The following BRIP1 variants were observed in gnomAD, a reference collection of about 807,000 sequenced individuals.
BRIP1 encodes Fanconi anemia group J protein.
Under a neutral mutation model 119.7 loss-of-function variants are expected in BRIP1, and 88 were observed. The ratio of observed to expected loss-of-function variants is 0.74; its 90% CI spans 0.62 to 0.88. The LOEUF is 0.88. BRIP1 is among the 40% of genes least tolerant of loss of function. The pLI is 0.00. For synonymous variants in BRIP1, 443 were observed against 496.5 expected (o/e 0.89, Z 1.43); for missense variants, 1,259 against 1,455.4 (o/e 0.87, Z 2.20).
At position 61,862,539 on chromosome 17, in the gene BRIP1, C is replaced by T. The variant is rs1387095460; in HGVS notation, c.-31+745G>A. On this transcript the variant is annotated intron_variant, in intron 1 of 19. Coordinates refer to ENST00000259008, the MANE Select transcript of BRIP1 (RefSeq NM_032043.3). The surrounding 1 kb of genome is among the most constrained non-coding windows in gnomAD (Gnocchi z 5.3). ...AAACCACTTTTCTTAACCTAGGATC[C>T]ACGGATGTAATTCAGAGACAATGAC... 1.3e-5 allele frequency among the ~76,000 whole-genome samples: 2 copies of T among 152,134 alleles called. No homozygotes were observed. The highest frequency in any genetic ancestry group is 2.9e-5 in the Non-Finnish European group (2 of 68,036).
intron 3 of BRIP1, among the ~76,000 whole-genome samples, chr17:61,858,565 G>T (rs2078931215): frequency 6.6e-6 from 1 of 152,032 alleles, no homozygotes; most frequent in Non-Finnish European, 1.5e-5. Context: ...TAGAGACGGG[G>T]TTTCTCCACG....
At position 61,686,502 on chromosome 17, in the gene BRIP1, T is replaced by C. The variant is rs1193045757; in HGVS notation, c.2576-337A>G. 6.8e-6 allele frequency among the ~76,000 whole-genome samples: 1 copy of C among 147,244 alleles called. No homozygotes were observed. Among genetic ancestry groups the C allele is most frequent in the African/African-American group, 2.5e-5 (1 of 40,348 alleles). On this transcript the variant is annotated intron_variant, in intron 18 of 19. Coordinates refer to ENST00000259008, the MANE Select transcript of BRIP1 (RefSeq NM_032043.3). This position sits in a 1 kb window ranked among gnomAD's most constrained non-coding sequence, Gnocchi z 5.4. ...ATCATAATTCCCCACAAAAATTGCC[T>C]TTTTTTTTTGTAGGGAAACTAGAAG...
At position 61,744,711 on chromosome 17, in the gene BRIP1, T is replaced by C. The variant is rs2077036923; in HGVS notation, c.2098-120A>G. The C allele has an allele frequency of 1.1e-6, 1 of 921,914 alleles. No individual in the cohort carries two copies. The highest frequency in any genetic ancestry group is 1.7e-6 in the Non-Finnish European group (1 of 580,350). 57.1% of individuals were successfully genotyped at this position (921,914 alleles called of 1,614,324 possible). ...TAATCTCTCTGTGTCTTTTCTCATT[T>C]ATAAAATGAGGAAAACAATATATCT... On this transcript the variant is annotated intron_variant, in intron 14 of 19. Transcript: ENST00000259008. This position sits in a 1 kb window ranked among gnomAD's most constrained non-coding sequence, Gnocchi z 5.0.
chr17:61,842,317 C>G lies in BRIP1; in HGVS notation c.627+4784G>C, dbSNP rs2078669148. ...GGGAGGATAAGGAGAGGTGGGTTTA[C>G]AAATTCATAACTACAGCTAGATTGG... On this transcript the variant is annotated intron_variant, in intron 6 of 19. Transcript: ENST00000259008. The surrounding 1 kb of genome is among the most constrained non-coding windows in gnomAD (Gnocchi z 5.1). Among the ~76,000 whole-genome samples the G allele has an allele frequency of 6.6e-6, 1 of 151,948 alleles. No homozygotes were observed. Among genetic ancestry groups the G allele is most frequent in the Non-Finnish European group, 1.5e-5 (1 of 67,972 alleles).
intron 10 of BRIP1, among the ~76,000 whole-genome samples, chr17:61,786,522 T>A (rs1441782339): frequency 6.7e-6 from 1 of 150,184 alleles, no homozygotes; most frequent in Non-Finnish European, 1.5e-5. Flanking sequence ...ATCATAATGA[T>A]GAATGTCTTA....
intron 16 of BRIP1, among the ~76,000 whole-genome samples, chr17:61,737,277 T>C (rs2076931213): frequency 6.6e-6 from 1 of 152,110 alleles, no homozygotes; most frequent in Admixed American, 6.5e-5. Context: ...AAGGCAGAGA[T>C]TGGCCAAATG....
Position 61,781,017 on chromosome 17 carries a change from G to C in BRIP1, c.1629-12C>G, listed in dbSNP as rs2145098474. 6.2e-7 allele frequency: 1 copy of C among 1,613,230 alleles called. No homozygotes were observed. The highest frequency in any genetic ancestry group is 8.5e-7 in the Non-Finnish European group (1 of 1,179,888). ...AATCATCTGCAAATCTAGATGCAAA[G>C]AAAGTGCTAATTAAGTGGCAAAACT... is the stretch of plus-strand genomic sequence containing the variant. On this transcript the variant is annotated splice_polypyrimidine_tract_variant and intron_variant, in intron 11 of 19. Transcript: ENST00000259008.
At position 61,683,702 on chromosome 17, in the gene BRIP1, G is replaced by A. The variant is rs1419933310; in HGVS notation, c.3344C>T (p.Ser1115Phe). The change falls in exon 20 of 20, where the codon TCC (serine) becomes TTC (phenylalanine). Residue 1115 changes from serine to phenylalanine, a missense_variant. By Grantham distance (155) the Ser-to-Phe change is radical. This residue lies in a region of BRIP1 where 753 missense variants were observed against 891.8 expected (regional missense o/e 0.84). Coordinates refer to ENST00000259008, the MANE Select transcript of BRIP1 (RefSeq NM_032043.3). This position sits in a 1 kb window ranked among gnomAD's most constrained non-coding sequence, Gnocchi z 4.7. ...TGTTTCAAAATCTCTATTTGAAGTG[G>A]ACTGTTTATCTTCTTCACTTACTAG... Reference protein sequence around the residue: ...LSLVSEEDKQSTSNRDFETEA... With the variant: ...LSLVSEEDKQFTSNRDFETEA... 2 of 1,613,870 alleles carry A rather than the reference G, an allele frequency of 1.2e-6. No homozygotes were observed.
rs1242579907 is a variant in BRIP1 at position 61,755,891 on chromosome 17, T to C, written c.2098-11300A>G. Among the ~76,000 whole-genome samples the C allele has an allele frequency of 6.6e-6, 1 of 152,212 alleles. No homozygotes were observed. Among genetic ancestry groups the C allele is most frequent in the African/African-American group, 2.4e-5 (1 of 41,458 alleles). On this transcript the variant is annotated intron_variant, in intron 14 of 19. Transcript: ENST00000259008. This position sits in a 1 kb window ranked among gnomAD's most constrained non-coding sequence, Gnocchi z 4.5. Reference sequence around the variant, plus strand: ...CGAAGTGGTATGTCCTCTGGGTCTATCCGGATTTTAGTTCGGGCAAAGAGC... The same window carrying C: ...CGAAGTGGTATGTCCTCTGGGTCTACCCGGATTTTAGTTCGGGCAAAGAGC...
rs141211942 is a variant in BRIP1 at position 61,709,860 on chromosome 17, TC to T, written c.2492+6090del. 0.033 allele frequency among the ~76,000 whole-genome samples: 5,044 copies of T among 152,248 alleles called. 323 individuals carry two copies. The highest frequency in any genetic ancestry group is 0.12 in the African/African-American group (4,787 of 41,526). On this transcript the variant is annotated intron_variant, in intron 17 of 19. Transcript: ENST00000259008. The surrounding 1 kb of genome is among the most constrained non-coding windows in gnomAD (Gnocchi z 5.0). Reference sequence around the variant, plus strand: ...CATAGACTTATATTACTTCAAATACTCTAACAGTCCCATGTGTGCTTAAAAA... The same window carrying T: ...CATAGACTTATATTACTTCAAATACTTAACAGTCCCATGTGTGCTTAAAAA...
Position 61,776,420 on chromosome 17 carries a change from C to T in BRIP1, c.2078G>A (p.Cys693Tyr), listed in dbSNP as rs2145026586. The change falls in exon 14 of 20, where the codon TGT (cysteine) becomes TAT (tyrosine). Residue 693 changes from cysteine to tyrosine, a missense_variant. By Grantham distance (194) the Cys-to-Tyr change is radical. Around this residue, in one of 3 missense-constraint regions of BRIP1, gnomAD observed 753 missense variants for 891.8 expected, o/e 0.84. Transcript: ENST00000259008. The surrounding 1 kb of genome is among the most constrained non-coding windows in gnomAD (Gnocchi z 5.0). The stretch of plus-strand genomic sequence containing the variant: ...CCTTACCTTGTAAGATGGCAAGAAA[C>T]ACAAAATTCCTTGGCTCACAGTCTG... ...VCQTVSQGIL[C>Y]FLPSYKLLEK... 6.2e-7 allele frequency: 1 copy of T among 1,614,002 alleles called. No homozygotes were observed. The highest frequency in any genetic ancestry group is 8.5e-7 in the Non-Finnish European group (1 of 1,179,958).
chr17:61,721,405 G>A (rs910108107), intron 16 of BRIP1, among the ~76,000 whole-genome samples: 7 of 151,736 alleles, frequency 4.6e-5, no homozygotes, highest in African/African-American at 1.5e-4. Flanking sequence ...GAGTAGCTGA[G>A]ACTACAGGCG....
rs2061806448 is a variant in BRIP1 at position 61,713,215 on chromosome 17, T to C, written c.2492+2736A>G. Among the ~76,000 whole-genome samples the C allele has an allele frequency of 1.3e-5, 2 of 152,208 alleles. No homozygotes were observed. Among genetic ancestry groups the C allele is most frequent in the Non-Finnish European group, 2.9e-5 (2 of 68,042 alleles). On this transcript the variant is annotated intron_variant, in intron 17 of 19. Coordinates refer to ENST00000259008, the MANE Select transcript of BRIP1 (RefSeq NM_032043.3). The surrounding 1 kb of genome is among the most constrained non-coding windows in gnomAD (Gnocchi z 4.9). ...ATAGCACATACAATTATGTATGGTA[T>C]ATAATACTTGATAATGATAATAACT... is the stretch of plus-strand genomic sequence containing the variant.
At chr17:61,849,315 A>G in intron 4 of BRIP1, 59 bp from the exon 5 acceptor site, 1 of 1,466,104 alleles carries the variant, frequency 6.8e-7, no homozygotes, top group African/African-American at 1.4e-5. Context: ...CAATTTTTCT[A>G]GAAGAAAACT....
rs1448188714 is a variant in BRIP1 at position 61,793,239 on chromosome 17, T to C, written c.1473+358A>G. On this transcript the variant is annotated intron_variant, in intron 10 of 19. Transcript: ENST00000259008. The surrounding 1 kb of genome is among the most constrained non-coding windows in gnomAD (Gnocchi z 5.2). ...CTCCATGAATATCAGGTTTATAATT[T>C]CTAAATTAAGATGAACAAAATAGGA... Among the ~76,000 whole-genome samples the C allele has an allele frequency of 6.6e-6, 1 of 152,076 alleles. No individual in the cohort carries two copies. Among genetic ancestry groups the C allele is most frequent in the African/African-American group, 2.4e-5 (1 of 41,440 alleles).
chr17:61,705,984 T>C lies in BRIP1; in HGVS notation c.2492+9967A>G, dbSNP rs1355058131. On this transcript the variant is annotated intron_variant, in intron 17 of 19. Transcript: ENST00000259008. The surrounding 1 kb of genome is among the most constrained non-coding windows in gnomAD (Gnocchi z 5.0). ...TCTATATCTTTATTAGTTTGTCTAC[T>C]AGTTCTGTTATTGAGAGGAATTTTG... Among the ~76,000 whole-genome samples the C allele has an allele frequency of 2.0e-5, 3 of 152,184 alleles. No homozygotes were observed. The highest frequency in any genetic ancestry group is 4.4e-5 in the Non-Finnish European group (3 of 67,996).
intron 11 of BRIP1, among the ~76,000 whole-genome samples, chr17:61,781,253 C>A (rs1436623304): frequency 6.6e-6 from 1 of 152,162 alleles, no homozygotes; most frequent in Non-Finnish European, 1.5e-5. Context: ...CTTTTATCAG[C>A]TACTTCCTAA....
rs945272787 is a variant in BRIP1, at chr17:61,730,164, T to C, written c.2379+12849A>G. 6.6e-6 allele frequency among the ~76,000 whole-genome samples: 1 copy of C among 152,188 alleles called. No homozygotes were observed. The highest frequency in any genetic ancestry group is 2.4e-5 in the African/African-American group (1 of 41,434). ...AACTCATTCCCAAGCTTTCAAGCCTTTAATCCTAGGGAAAAACAGGAAAGA... is the reference window on the plus strand; with the variant it reads ...AACTCATTCCCAAGCTTTCAAGCCTCTAATCCTAGGGAAAAACAGGAAAGA... On this transcript the variant is annotated intron_variant, in intron 16 of 19. Coordinates refer to ENST00000259008, the MANE Select transcript of BRIP1 (RefSeq NM_032043.3). The surrounding 1 kb of genome is among the most constrained non-coding windows in gnomAD (Gnocchi z 4.3).
At position 61,699,390 on chromosome 17, in the gene BRIP1, T is replaced by C. The variant is rs996230987; in HGVS notation, c.2493-5878A>G. ...TTCCATTACTTTCCATTTTCTCCAA[T>C]AGACACTTTCCAGTATATAATTTTA... On this transcript the variant is annotated intron_variant, in intron 17 of 19. Transcript: ENST00000259008. The surrounding 1 kb of genome is among the most constrained non-coding windows in gnomAD (Gnocchi z 4.8). Among the ~76,000 whole-genome samples the C allele has an allele frequency of 1.3e-5, 2 of 152,196 alleles. No homozygotes were observed. The highest frequency in any genetic ancestry group is 2.9e-5 in the Non-Finnish European group (2 of 68,000).
Sources: gnomAD v4.1 joint callset for allele counts (sites outside exome capture counted in the v4.1 genomes callset) on GRCh38, gnomAD v4.1.1 for gene constraint, gnomAD v4.1.1 regional missense constraint, Gnocchi (gnomAD v3.1) non-coding constraint, MANE v1.5 for transcripts, NCBI Gene and HGNC (gene_info 2026-07-23, HGNC 2026-07-21) for gene names.